Variants in SH2D5 observed in about 807,000 individuals in gnomAD.
The protein encoded by SH2D5 is SH2 domain-containing protein 5.
A neutral mutation model predicts 48.2 loss-of-function variants in SH2D5; 45 were observed. The ratio of observed to expected loss-of-function variants is 0.93; its 90% confidence interval spans 0.73 to 1.20. SH2D5 has a LOEUF of 1.20. Among genes scored for constraint, SH2D5 ranks in the 50% most tolerant of loss-of-function variants. The pLI, the probability that SH2D5 is intolerant of heterozygous loss-of-function variation, is 0.00. For synonymous variants in SH2D5, 230 were observed against 249.8 expected (o/e 0.92, Z 0.75); for missense variants, 538 against 584.1 (o/e 0.92, Z 0.81).
Position 20,732,083 on chromosome 1 carries a change from C to A in SH2D5, c.-43+98G>T. On this transcript the variant is annotated intron_variant, in intron 1 of 9. Coordinates refer to ENST00000444387, the MANE Select transcript of SH2D5 (RefSeq NM_001103161.2). This position sits in a 1 kb window ranked among gnomAD's most constrained non-coding sequence, Gnocchi z 5.1. ...CGCCGCAGCCCCGCGCCTGGGTGCC[C>A]GCTTCCCGCCGCCCCCGACCCCGGT... is the stretch of plus-strand genomic sequence containing the variant. The A allele has an allele frequency of 6.6e-6, 1 of 152,302 alleles. No individual in the cohort carries two copies. Among genetic ancestry groups the A allele is most frequent in the South Asian group, 1.8e-4 (1 of 5,530 alleles). 9.4% of individuals were successfully genotyped at this position (152,302 alleles called of 1,614,324 possible). A position where few individuals can be genotyped will look rare whatever the true frequency, so the allele number is the denominator to read the frequency against.
Position 20,724,220 on chromosome 1 carries a change from C to G in SH2D5, c.662G>C (p.Arg221Pro). 6.2e-7 allele frequency: 1 copy of G among 1,612,818 alleles called. No individual in the cohort carries two copies. The change falls in exon 7 of 10, where the codon CGC (arginine) becomes CCC (proline). Residue 221 changes from arginine (R) to proline (P), a missense_variant. By Grantham distance (103) the Arg-to-Pro change is moderately radical (BLOSUM62 -2). Transcript: ENST00000444387. The part of the protein sequence containing the change: ...KELPESEGRA[R>P]HARLGNPYCS... ...GTAGGGATTCCCCAGGCGGGCATGG[C>G]GGGCACGGCCTTCCGACTCTGGCAG...
rs1287046066 is a variant in SH2D5, at chr1:20,728,445, G to A, written c.-42-359C>T. ...TGGGTCAAGATCTGAAGGGTGTGGC[G>A]GTACATGCCCAGGGTCACTCAAAAA... On this transcript the variant is annotated intron_variant, in intron 1 of 9. Transcript: ENST00000444387. The surrounding 1 kb of genome is among the most constrained non-coding windows in gnomAD (Gnocchi z 4.3). 6.6e-6 allele frequency among the ~76,000 whole-genome samples: 1 copy of A among 152,114 alleles called. No homozygotes were observed. Among genetic ancestry groups the A allele is most frequent in the Non-Finnish European group, 1.5e-5 (1 of 68,004 alleles).
intron 3 of SH2D5, 137 bp from the exon 4 acceptor site, chr1:20,727,212 A>AC (rs1262555096): frequency 9.6e-6 from 7 of 732,250 alleles, no homozygotes; most frequent in Non-Finnish European, 1.5e-5. Context: ...TGGCTGGTGG[A>AC]CCCCCCTGGC....
At chr1:20,724,034 G>T in intron 7 of SH2D5, 49 bp downstream of exon 7, 1 of 1,585,368 alleles carries the variant, frequency 6.3e-7, no homozygotes, top group South Asian at 1.1e-5. Flanking sequence ...AGGAGCGCAC[G>T]GGCACGTGTC....
chr1:20,724,727 T>C (rs959782385), intron 5 of SH2D5, 92 bp from the exon 6 acceptor site: 15 of 1,400,574 alleles, frequency 1.1e-5, no homozygotes, highest in African/African-American at 2.9e-5. Flanking sequence ...CATGGGTGCA[T>C]GCAGCCCCTT....
rs752114054 is a variant in SH2D5 at position 20,727,090 on chromosome 1, G to T, written c.169-15C>A. Reference sequence around the variant, plus strand: ...CGGGGACAGTCCTGGGTGGAAAAGAGTAGTGGGGACAGGCACCACCTCCCA... The same window carrying T: ...CGGGGACAGTCCTGGGTGGAAAAGATTAGTGGGGACAGGCACCACCTCCCA... On this transcript the variant is annotated splice_polypyrimidine_tract_variant and intron_variant, in intron 3 of 9. Coordinates refer to ENST00000444387, the MANE Select transcript of SH2D5 (RefSeq NM_001103161.2). 1.2e-6 allele frequency: 2 copies of T among 1,605,982 alleles called. No homozygotes were observed.
At position 20,728,022 on chromosome 1, in the gene SH2D5, C is replaced by A; in HGVS notation, c.23G>T (p.Gly8Val). Residue 8 changes from glycine to valine, a missense_variant, in exon 2 of 10, where the codon GGC becomes GTC. Coordinates refer to ENST00000444387, the MANE Select transcript of SH2D5 (RefSeq NM_001103161.2). This position sits in a 1 kb window ranked among gnomAD's most constrained non-coding sequence, Gnocchi z 4.3. Reference protein sequence around the residue: MQKAGAGGRRASDCGLAP... With the variant: MQKAGAGVRRASDCGLAP... The stretch of plus-strand genomic sequence containing the variant: ...CAGCCCGCAGTCAGAGGCCCTGCGG[C>A]CCCCAGCCCCCGCCTTCTGCATGGC... The A allele has an allele frequency of 6.4e-7, 1 of 1,552,598 alleles. No individual in the cohort carries two copies. The highest frequency in any genetic ancestry group is 1.4e-5 in the African/African-American group (1 of 73,594).
In SH2D5 at chr1:20,728,208, G is replaced by A; in HGVS notation, c.-42-122C>T. On this transcript the variant is annotated intron_variant, in intron 1 of 9. Coordinates refer to ENST00000444387, the MANE Select transcript of SH2D5 (RefSeq NM_001103161.2). The surrounding 1 kb of genome is among the most constrained non-coding windows in gnomAD (Gnocchi z 4.3). ...TATGTGTGCAGCACGGCTGCGCAAT[G>A]TCCCGGGCCCTGGGGAGCCAGCCCA... The A allele has an allele frequency of 6.6e-6, 4 of 604,956 alleles. No homozygotes were observed. The highest frequency in any genetic ancestry group is 5.9e-5 in the South Asian group (3 of 50,440). 37.5% of individuals were successfully genotyped at this position (604,956 alleles called of 1,614,324 possible).
At chr1:20,727,444 G>A (rs1308935648) in intron 3 of SH2D5, 79 bp downstream of exon 3, 5 of 1,302,500 alleles carry the variant, frequency 3.8e-6, no homozygotes, top group African/African-American at 1.5e-5. Context: ...ACTGTGGGGA[G>A]AGTGGATCTG....
In SH2D5 at chr1:20,727,059, C is replaced by G. The variant is rs367729757; in HGVS notation, c.185G>C (p.Arg62Pro). The change falls in exon 4 of 10, where the codon CGG (arginine) becomes CCG (proline). Residue 62 changes from arginine to proline, a missense_variant. Physicochemically the swap from Arg to Pro is moderately radical, Grantham distance 103 (BLOSUM62 -2). Transcript: ENST00000444387. ...AAGGCTGAATTTCAGGATGACGGCC[C>G]GGCGTCGGGGACAGTCCTGGGTGGA... ...LWALKDCPRR[R>P]AVILKFSLQG... 17 of 1,611,666 alleles carry G rather than the reference C, an allele frequency of 1.1e-5. No individual in the cohort carries two copies. Among genetic ancestry groups the G allele is most frequent in the Admixed American group, 1.7e-5 (1 of 59,874 alleles).
chr1:20,731,804 G>T (rs927773467), intron 1 of SH2D5, among the ~76,000 whole-genome samples: 2 of 152,068 alleles, frequency 1.3e-5, no homozygotes, highest in South Asian at 4.1e-4. Context: ...GCGCTGCGGG[G>T]AACGGCCAGG....
intron 5 of SH2D5, 33 bp from the exon 6 acceptor site, chr1:20,724,668 G>T: frequency 6.7e-7 from 1 of 1,502,740 alleles, no homozygotes; most frequent in East Asian, 2.4e-5. Context: ...GGCTCAGCTG[G>T]AGGAGGTCTC....
At chr1:20,725,150 C>T (rs2054770420) in intron 5 of SH2D5, among the ~76,000 whole-genome samples, 1 of 152,356 alleles carries the variant, frequency 6.6e-6, no homozygotes, top group Non-Finnish European at 1.5e-5. Context: ...GTTCCCAGCA[C>T]AGGCCCAGTG....
chr1:20,722,062 G>A (rs2054698018), intron 9 of SH2D5, 67 bp from the exon 10 acceptor site: 22 of 1,451,710 alleles, frequency 1.5e-5, no homozygotes, highest in Admixed American at 2.0e-5. Context: ...CCAGCCACCC[G>A]CTCCCACAGG....
In SH2D5 at chr1:20,728,001, C is replaced by A; in HGVS notation, c.44G>T (p.Gly15Val). The A allele has an allele frequency of 6.4e-7, 1 of 1,569,530 alleles. No homozygotes were observed. Among genetic ancestry groups the A allele is most frequent in the Non-Finnish European group, 8.6e-7 (1 of 1,158,268 alleles). The change falls in exon 2 of 10, where the codon GGG (glycine) becomes GTG (valine). Residue 15 changes from glycine to valine, a missense_variant. Transcript: ENST00000444387. The surrounding 1 kb of genome is among the most constrained non-coding windows in gnomAD (Gnocchi z 4.3). ...GAGGRRASDC[G>V]LAPHRPRCIT... ...GCACCTGGGCCGGTGAGGGGCCAGC[C>A]CGCAGTCAGAGGCCCTGCGGCCCCC...
At chr1:20,726,881 G>A (rs1241053819) in intron 4 of SH2D5, 120 bp downstream of exon 4, 1 of 777,092 alleles carries the variant, frequency 1.3e-6, no homozygotes, top group Non-Finnish European at 1.9e-6. Context: ...GCGCCAGGGG[G>A]ACCCCAGGGG....
rs765364123 is a variant in SH2D5, at chr1:20,727,067, G to C, written c.177C>G (p.Pro59=). The change falls in exon 4 of 10, where the codon CCC becomes CCG. Residue 59 remains proline, a synonymous_variant. Coordinates refer to ENST00000444387, the MANE Select transcript of SH2D5 (RefSeq NM_001103161.2). The part of the protein sequence containing the change: ...QQQLWALKDC[P]RRRAVILKFS... ...ATTTCAGGATGACGGCCCGGCGTCG[G>C]GGACAGTCCTGGGTGGAAAAGAGTA... 1 of 1,611,402 alleles carries C rather than the reference G, an allele frequency of 6.2e-7. No homozygotes were observed. The highest frequency in any genetic ancestry group is 8.5e-7 in the Non-Finnish European group (1 of 1,178,772).
chr1:20,724,348 C>G (rs1203878895), intron 6 of SH2D5, 48 bp downstream of exon 6: 2 of 1,604,832 alleles, frequency 1.2e-6, no homozygotes, highest in Non-Finnish European at 1.7e-6. Flanking sequence ...CAAACCCATA[C>G]CCAGTTCCCT....
At position 20,726,075 on chromosome 1, in the gene SH2D5, G is replaced by A. The variant is rs779554796; in HGVS notation, c.244-9C>T. ...TGAGCCATCAGCAGCACCTGGCGAG[G>A]CAGCAGTGTGAGGCCCCCATCAGAC... On this transcript the variant is annotated splice_polypyrimidine_tract_variant and intron_variant, in intron 4 of 9. Coordinates refer to ENST00000444387, the MANE Select transcript of SH2D5 (RefSeq NM_001103161.2). The A allele has an allele frequency of 6.3e-7, 1 of 1,587,872 alleles. No homozygotes were observed.
Sources: gnomAD v4.1 joint callset for allele counts (sites outside exome capture counted in the v4.1 genomes callset) on GRCh38, gnomAD v4.1.1 for gene constraint, Gnocchi (gnomAD v3.1) non-coding constraint, MANE v1.5 for transcripts, NCBI Gene and HGNC (gene_info 2026-07-23, HGNC 2026-07-21) for gene names.